Variants in FBXL2 observed in about 807,000 individuals in gnomAD.
The protein encoded by FBXL2 is F-box and leucine rich repeat protein 2, also known as F-box/LRR-repeat protein 2.
In FBXL2, 38 loss-of-function variants were observed where a neutral mutation model predicts 69.2. The observed-to-expected ratio is 0.55, with a 90% CI of 0.42 to 0.72. The LOEUF (loss-of-function observed/expected upper bound fraction) is 0.72. FBXL2 is among the 30% of genes least tolerant of loss of function. FBXL2 has a pLI of 0.00. For synonymous variants in FBXL2, 192 were observed against 201.3 expected, an observed-to-expected ratio of 0.95 and a Z score of 0.39; for missense variants, 354 against 520.3, an observed-to-expected ratio of 0.68 and a Z score of 3.11.
At position 33,342,140 on chromosome 3, in the gene FBXL2, G is replaced by A. The variant is rs540011974; in HGVS notation, c.66-16827G>A. On this transcript the variant is annotated intron_variant, in intron 2 of 14. Transcript: ENST00000484457. The stretch of plus-strand genomic sequence containing the variant: ...CTGCCTCAGCCTCTGGAGTAGCTGG[G>A]ACTACAGGTGCCTGATACTACGCCC... Among the ~76,000 whole-genome samples the A allele has an allele frequency of 9.3e-5, 14 of 151,056 alleles. No homozygotes were observed. The East Asian group carries it at 2.8e-3, about 30-fold the overall frequency.
In FBXL2 at chr3:33,327,907, C is replaced by G. The variant is rs1247028886; in HGVS notation, c.65+30182C>G. Among the ~76,000 whole-genome samples the G allele has an allele frequency of 2.0e-5, 3 of 150,372 alleles. No individual in the cohort carries two copies. The East Asian group carries it at 5.8e-4, about 29-fold the overall frequency. ...TTGGAAAGGAAGAAGTCAAATTAGT[C>G]TTGTTCACAAACAACATGATCTTAT... On this transcript the variant is annotated intron_variant, in intron 2 of 14. Coordinates refer to ENST00000484457, the MANE Select transcript of FBXL2 (RefSeq NM_012157.5).
At chr3:33,277,260 A>G (rs1333713111), upstream of FBXL2, among the ~76,000 whole-genome samples, 1 of 151,328 alleles carries the variant, frequency 6.6e-6, no homozygotes, top group Non-Finnish European at 1.5e-5. Flanking sequence ...AGGGACATCA[A>G]GGTGATCAGA....
chr3:33,286,339 G>A (rs997450531), intron 1 of FBXL2, among the ~76,000 whole-genome samples: 9 of 152,184 alleles, frequency 5.9e-5, no homozygotes, highest in African/African-American at 1.9e-4. Flanking sequence ...ACCAGCGGAG[G>A]CATCAGAACA....
intron 2 of FBXL2, among the ~76,000 whole-genome samples, chr3:33,331,558 A>G (rs998191068): frequency 2.0e-5 from 3 of 152,292 alleles, no homozygotes; most frequent in African/African-American, 7.2e-5. Flanking sequence ...ATCTAGTGGT[A>G]TTTATAGATG....
chr3:33,352,351 A>C (rs561770220), intron 2 of FBXL2, among the ~76,000 whole-genome samples: 3 of 152,348 alleles, frequency 2.0e-5, no homozygotes, highest in South Asian at 2.1e-4. Flanking sequence ...AGTAAAACAC[A>C]AAATTTCTAG....
At chr3:33,395,855 AAAAAAAAAGCCAG>A (rs1240432218) in intron 12 of FBXL2, among the ~76,000 whole-genome samples, 1 of 151,894 alleles carries the variant, frequency 6.6e-6, no homozygotes, top group Admixed American at 6.6e-5. Flanking sequence ...TGACCAAAAA[AAAAAAAAAGCCAG>A]AACTCAATGC....
downstream of FBXL2, chr3:33,390,324 T>TA: frequency 6.2e-7 from 1 of 1,613,912 alleles, no homozygotes; most frequent in South Asian, 1.1e-5. Context: ...TCAGTCTATA[T>TA]AAGACATCAC....
chr3:33,412,378 T>C, the FBXL2 span, among the ~76,000 whole-genome samples: 7 of 151,600 alleles, frequency 4.6e-5, no homozygotes, highest in African/African-American at 9.7e-5. Flanking sequence ...TACATACATA[T>C]ATATGTATGT....
intron 1 of FBXL2, among the ~76,000 whole-genome samples, chr3:33,282,531 C>T (rs1244754587): frequency 2.0e-5 from 3 of 152,130 alleles, no homozygotes; most frequent in African/African-American, 4.8e-5. Flanking sequence ...GCAATGCAGG[C>T]TCTTTTTTGG....
intron 2 of FBXL2, among the ~76,000 whole-genome samples, chr3:33,313,674 C>T (rs1167234297): frequency 1.3e-5 from 2 of 150,730 alleles, no homozygotes; most frequent in African/African-American, 4.9e-5. Context: ...TCTCAAACTC[C>T]TGGCCTCAAG....
intron 1 of FBXL2, among the ~76,000 whole-genome samples, chr3:33,292,611 A>G (rs143663411): frequency 1.3e-5 from 2 of 152,294 alleles, no homozygotes; most frequent in African/African-American, 2.4e-5. Flanking sequence ...GAAGCACTAC[A>G]CATCACTACA....
At chr3:33,357,210 T>G (rs1331918754) in intron 2 of FBXL2, among the ~76,000 whole-genome samples, 1 of 152,206 alleles carries the variant, frequency 6.6e-6, no homozygotes, top group Non-Finnish European at 1.5e-5. Flanking sequence ...GGTGGTATGC[T>G]CTTAAGGTAT....
chr3:33,357,039 C>T (rs2041249657), intron 2 of FBXL2, among the ~76,000 whole-genome samples: 1 of 152,126 alleles, frequency 6.6e-6, no homozygotes, highest in Admixed American at 6.5e-5. Flanking sequence ...GTTACTTAAC[C>T]TCTATGCTCA....
chr3:33,341,401 A>G (rs2040005054), intron 2 of FBXL2, among the ~76,000 whole-genome samples: 1 of 152,204 alleles, frequency 6.6e-6, no homozygotes, highest in Non-Finnish European at 1.5e-5. Context: ...ATTTAAAAGG[A>G]CAAATGAGAA....
Position 33,383,990 on chromosome 3 carries a change from G to A in FBXL2, c.953G>A (p.Ser318Asn). 6.2e-7 allele frequency: 1 copy of A among 1,613,894 alleles called. No individual in the cohort carries two copies. The highest frequency in any genetic ancestry group is 8.5e-7 in the Non-Finnish European group (1 of 1,179,848). Residue 318 changes from serine to asparagine, a missense_variant and splice_region_variant, in exon 14 of 15, where the codon AGC becomes AAC. Physicochemically the swap from Ser to Asn is conservative, Grantham distance 46. Coordinates refer to ENST00000484457, the MANE Select transcript of FBXL2 (RefSeq NM_012157.5). ...SIHCPKLQAL[S>N]LSHCELITDD... Reference sequence around the variant, plus strand: ...TTTACTCATGTCTTCCTGTTCCAGAGCCTGTCCCACTGTGAACTCATCACA... The same window carrying A: ...TTTACTCATGTCTTCCTGTTCCAGAACCTGTCCCACTGTGAACTCATCACA...
At position 33,396,192 on chromosome 3, in the gene FBXL2, C is replaced by T. The variant is rs750893474; in HGVS notation, n.1215-7042C>T. The stretch of plus-strand genomic sequence containing the variant: ...GGTGCCCCACTGCCATTCTCGCTTG[C>T]ACTGCTTGCAGCTTGCTGCTGCCCT... On this transcript the variant is annotated intron_variant and non_coding_transcript_variant, in intron 12 of 12. Coordinates refer to the FBXL2 transcript ENST00000463736. The T allele has an allele frequency of 1.0e-5, 16 of 1,593,870 alleles. No individual in the cohort carries two copies. In the South Asian group the frequency reaches 1.2e-4, roughly 12 times the overall value.
intron 12 of FBXL2, among the ~76,000 whole-genome samples, chr3:33,393,739 A>C (rs891383035): frequency 1.3e-5 from 2 of 152,180 alleles, no homozygotes; most frequent in African/African-American, 4.8e-5. Flanking sequence ...ATTTTTCTTC[A>C]TATTTTTATT....
At chr3:33,381,208 A>G (rs770767760) in intron 13 of FBXL2, among the ~76,000 whole-genome samples, 1 of 152,172 alleles carries the variant, frequency 6.6e-6, no homozygotes, top group Non-Finnish European at 1.5e-5. Flanking sequence ...CCTCAGTCTC[A>G]TATGTTACTG....
At chr3:33,282,530 G>A (rs907160771) in intron 1 of FBXL2, among the ~76,000 whole-genome samples, 1 of 152,128 alleles carries the variant, frequency 6.6e-6, no homozygotes, top group Non-Finnish European at 1.5e-5. Flanking sequence ...GGCAATGCAG[G>A]CTCTTTTTTG....
Sources: gnomAD v4.1 joint callset for allele counts (sites outside exome capture counted in the v4.1 genomes callset) on GRCh38, gnomAD v4.1.1 for gene constraint, MANE v1.5 for transcripts, NCBI Gene and HGNC (gene_info 2026-07-23, HGNC 2026-07-21) for gene names.